Variants in MAGED1 observed in about 807,000 individuals in gnomAD.
The protein encoded by MAGED1 is MAGE family member D1.
Under a neutral mutation model 54.1 loss-of-function variants are expected in MAGED1, and 3 were observed. That is an observed-to-expected ratio of 0.06 (90% CI 0.03 to 0.14). MAGED1 has a LOEUF of 0.14. Ranked by LOEUF, MAGED1 falls within the 10% of genes least tolerant of loss-of-function variation. The pLI is 1.00. For synonymous variants in MAGED1, 217 were observed against 227.3 expected (o/e 0.95, Z 0.41); for missense variants, 485 against 623.4 (o/e 0.78, Z 2.36).
chrX:51,882,870 T>C (rs1928108130), intron 1 of MAGED1, among the ~76,000 whole-genome samples: 1 of 110,803 alleles, frequency 9.0e-6, no homozygotes, highest in South Asian at 3.9e-4. Context: ...TTTGTATTTT[T>C]AGTAGAGACG....
chrX:51,816,003 T>C (rs1925408686), intron 1 of MAGED1, among the ~76,000 whole-genome samples: 1 of 111,866 alleles, frequency 8.9e-6, no homozygotes, highest in African/African-American at 3.2e-5. Context: ...TGTACAGTAA[T>C]GTCCTAGGCC....
At chrX:51,901,432 C>G in intron 11 of MAGED1, 121 bp from the exon 12 acceptor site, 16 of 620,134 alleles carry the variant, frequency 2.6e-5, no homozygotes, top group Non-Finnish European at 3.5e-5. Context: ...GAATAGTATT[C>G]CATTGTGTGT....
intron 1 of MAGED1, among the ~76,000 whole-genome samples, chrX:51,804,945 C>G (rs1557354911): frequency 9.0e-6 from 1 of 111,659 alleles, no homozygotes; most frequent in African/African-American, 3.3e-5. Context: ...CTTCCCATTC[C>G]CCTAGTGGTC....
intron 1 of MAGED1, chrX:51,858,030 C>G (rs5991738): frequency 0.28 from 30,758 of 111,350 alleles, 3,148 homozygotes; most frequent in Middle Eastern, 0.32. Context: ...GAGAAAATCA[C>G]GTCTTGGTAA....
intron 1 of MAGED1, among the ~76,000 whole-genome samples, chrX:51,849,273 T>G (rs1476870317): frequency 9.0e-6 from 1 of 111,520 alleles, no homozygotes. Flanking sequence ...TTCTGTTCCA[T>G]TGGTTCGTTT....
chrX:51,873,666 T>A (rs1372972731), intron 1 of MAGED1, among the ~76,000 whole-genome samples: 4 of 110,478 alleles, frequency 3.6e-5, no homozygotes, highest in African/African-American at 1.3e-4. Context: ...TTAGGGGATA[T>A]CTTTTCCTTA....
At chrX:51,820,869 T>A (rs1400028879) in intron 1 of MAGED1, among the ~76,000 whole-genome samples, 1 of 111,688 alleles carries the variant, frequency 9.0e-6, no homozygotes, top group Non-Finnish European at 1.9e-5. Context: ...CCTATTTAAC[T>A]GTAATTTTGT....
chrX:51,814,582 C>CA (rs1278685971), intron 1 of MAGED1, among the ~76,000 whole-genome samples: 1 of 110,726 alleles, frequency 9.0e-6, no homozygotes, highest in Non-Finnish European at 1.9e-5. Context: ...ACAACAGCAA[C>CA]AAAAAAACAA....
intron 1 of MAGED1, among the ~76,000 whole-genome samples, chrX:51,879,560 T>G (rs1246922581): frequency 9.0e-6 from 1 of 111,653 alleles, no homozygotes; most frequent in Non-Finnish European, 1.9e-5. Context: ...CTATTATAAG[T>G]AAGATATTTG....
intron 1 of MAGED1, among the ~76,000 whole-genome samples, chrX:51,849,652 T>C (rs974907607): frequency 2.7e-5 from 3 of 111,720 alleles, no homozygotes; most frequent in African/African-American, 9.8e-5. Context: ...GTGCCAGGTG[T>C]ATAGGAATGC....
intron 1 of MAGED1, among the ~76,000 whole-genome samples, chrX:51,841,044 G>C (rs375172483): frequency 4.7e-5 from 5 of 106,559 alleles, no homozygotes; most frequent in Non-Finnish European, 7.8e-5. Flanking sequence ...AGTTTACAGT[G>C]CCACCAACAG....
intron 3 of MAGED1, 86 bp downstream of exon 3, chrX:51,895,846 A>G (rs1557364186): frequency 2.7e-6 from 2 of 731,371 alleles, no homozygotes; most frequent in Admixed American, 7.2e-5. Flanking sequence ...AAAACAATGT[A>G]TGTAACTGTA....
At chrX:51,842,122 C>T (rs1311249910) in intron 1 of MAGED1, among the ~76,000 whole-genome samples, 1 of 112,063 alleles carries the variant, frequency 8.9e-6, no homozygotes, top group Non-Finnish European at 1.9e-5. Flanking sequence ...TATTCTCAAA[C>T]AGTGCAGATA....
intron 1 of MAGED1, among the ~76,000 whole-genome samples, chrX:51,841,613 T>C (rs1331702897): frequency 8.9e-6 from 1 of 111,987 alleles, no homozygotes; most frequent in African/African-American, 3.3e-5. Context: ...AGTTTTTGTA[T>C]AAGGTGTAAG....
upstream of MAGED1, among the ~76,000 whole-genome samples, chrX:51,889,695 G>T (rs1557363169): frequency 9.6e-6 from 1 of 103,828 alleles, no homozygotes; most frequent in Admixed American, 1.1e-4. Context: ...TGCCGCTACT[G>T]AACAGTGGAC....
chrX:51,873,502 AGT>A (rs1379439094), intron 1 of MAGED1, among the ~76,000 whole-genome samples: 6 of 92,311 alleles, frequency 6.5e-5, no homozygotes, highest in Non-Finnish European at 1.3e-4. Context: ...TGAATGAGAT[AGT>A]GTGTTAGACT....
At chrX:51,876,979 G>T (rs1753810940) in intron 1 of MAGED1, among the ~76,000 whole-genome samples, 1 of 111,070 alleles carries the variant, frequency 9.0e-6, no homozygotes, top group Admixed American at 9.7e-5. Flanking sequence ...AAATTACTAA[G>T]AAAGTATAGA....
At chrX:51,871,128 G>A (rs1489649649) in intron 1 of MAGED1, among the ~76,000 whole-genome samples, 4 of 111,766 alleles carry the variant, frequency 3.6e-5, no homozygotes, top group African/African-American at 1.3e-4. Flanking sequence ...GGCCTCTGAT[G>A]TGCTTGAACA....
At chrX:51,885,214 A>C (rs1180061151) in intron 1 of MAGED1, among the ~76,000 whole-genome samples, 1 of 112,193 alleles carries the variant, frequency 8.9e-6, no homozygotes, top group African/African-American at 3.2e-5. Context: ...CTCTTTCTCC[A>C]CATCCTTGCC....
Sources: allele counts gnomAD v4.1 joint callset (sites outside exome capture counted in the v4.1 genomes callset), GRCh38; gene constraint gnomAD v4.1.1; transcripts MANE v1.5; gene names NCBI Gene and HGNC (gene_info 2026-07-23, HGNC 2026-07-21).